The following HIVEP1 variants were observed in gnomAD, a reference collection of about 807,000 sequenced individuals.
HIVEP1 encodes the protein HIVEP zinc finger 1, also known as zinc finger protein 40.
Under a neutral mutation model 180.0 loss-of-function variants are expected in HIVEP1, and 36 were observed. The observed-to-expected ratio is 0.20, with a 90% CI of 0.15 to 0.26. HIVEP1 has a LOEUF of 0.26. HIVEP1 is among the 10% of genes least tolerant of loss of function. The pLI, the probability that HIVEP1 is intolerant of heterozygous loss-of-function variation, is 1.00. For synonymous variants in HIVEP1, 1,239 were observed against 1,239.0 expected, an observed-to-expected ratio of 1.00 and a Z score of 0.00; for missense variants, 3,143 against 3,268.7, an observed-to-expected ratio of 0.96 and a Z score of 0.94.
chr6:12,031,031 G>T (rs376013662), intron 2 of HIVEP1, among the ~76,000 whole-genome samples: 326 of 151,878 alleles, frequency 2.1e-3, no homozygotes, highest in African/African-American at 7.5e-3. Context: ...TCGTTTGTTT[G>T]TTTTTTTTGT....
intron 1 of HIVEP1, among the ~76,000 whole-genome samples, chr6:12,013,289 T>C (rs1767509983): frequency 1.3e-5 from 2 of 152,200 alleles, no homozygotes; most frequent in African/African-American, 4.8e-5. Flanking sequence ...CCCTCCACAT[T>C]CATTCATGTT....
At chr6:12,188,452 T>A in the HIVEP1 span, among the ~76,000 whole-genome samples, 1 of 151,820 alleles carries the variant, frequency 6.6e-6, no homozygotes, top group South Asian at 2.1e-4. Flanking sequence ...AAAAGAGAAA[T>A]GAAAAGTAGG....
chr6:12,045,148 C>T (rs984730311), intron 2 of HIVEP1, among the ~76,000 whole-genome samples: 6 of 152,132 alleles, frequency 3.9e-5, no homozygotes, highest in Admixed American at 1.3e-4. Context: ...TCCTAACCCT[C>T]GCCATCTACT....
rs374683737 is a variant in HIVEP1, at chr6:12,124,330, T to C, written c.4535T>C (p.Ile1512Thr). 21 of 1,613,940 alleles carry C rather than the reference T, an allele frequency of 1.3e-5. No homozygotes were observed. Among genetic ancestry groups the C allele is most frequent in the African/African-American group, 6.7e-5 (5 of 74,914 alleles). Residue 1512 changes from isoleucine to threonine, a missense_variant, in exon 4 of 9, where the codon ATC (isoleucine) becomes ACC (threonine). Transcript: ENST00000379388. Reference protein sequence around the residue: ...NVFPVQQLCDINLLNQIHAPP... With the variant: ...NVFPVQQLCDTNLLNQIHAPP... ...TTTCCTGTTCAACAGCTCTGTGATA[T>C]CAATTTGTTAAATCAAATCCATGCA...
At chr6:12,110,135 G>A (rs1170993096) in intron 3 of HIVEP1, among the ~76,000 whole-genome samples, 2 of 152,224 alleles carry the variant, frequency 1.3e-5, no homozygotes, top group Non-Finnish European at 2.9e-5. Context: ...AAACAGATGT[G>A]CTGTCATCCA....
rs765982328 is a variant in HIVEP1 at position 12,125,311 on chromosome 6, C to T, written c.5516C>T (p.Ser1839Leu). ...ACAAATGTTTTACCAGCTGATAATT[C>T]ATCAACAGGATGCTCTAAATTTGTC... ...NLTNVLPADN[S>L]STGCSKFVVI... The change falls in exon 4 of 9, where the codon TCA (serine) becomes TTA (leucine). Residue 1839 changes from serine to leucine, a missense_variant. Ser to Leu is a moderately radical substitution (Grantham distance 145). Coordinates refer to ENST00000379388, the MANE Select transcript of HIVEP1 (RefSeq NM_002114.4). 1 of 1,613,794 alleles carries T rather than the reference C, an allele frequency of 6.2e-7. No individual in the cohort carries two copies. Among genetic ancestry groups the T allele is most frequent in the African/African-American group, 1.3e-5 (1 of 75,002 alleles).
At chr6:12,134,638 T>C (rs1758607742) in intron 6 of HIVEP1, among the ~76,000 whole-genome samples, 1 of 152,246 alleles carries the variant, frequency 6.6e-6, no homozygotes, top group Non-Finnish European at 1.5e-5. Flanking sequence ...TGTTTTTGTT[T>C]CTCAAAAAAG....
chr6:12,081,064 C>T (rs1017143194), intron 2 of HIVEP1, among the ~76,000 whole-genome samples: 6 of 152,240 alleles, frequency 3.9e-5, no homozygotes, highest in African/African-American at 9.6e-5. Flanking sequence ...CCTTTCTAGC[C>T]TCTATCCATC....
chr6:12,163,401 C>T lies in HIVEP1; in HGVS notation c.7097C>T (p.Thr2366Ile), dbSNP rs1430713586. ...CCTCAAGAACAGAAGCAGCAAATAACTCTACAGCCGACTCCAGGCTTGCCT... is the reference window on the plus strand; with the variant it reads ...CCTCAAGAACAGAAGCAGCAAATAATTCTACAGCCGACTCCAGGCTTGCCT... Reference protein sequence around the residue: ...PDPQEQKQQITLQPTPGLPSP... With the variant: ...PDPQEQKQQIILQPTPGLPSP... The change falls in exon 9 of 9, where the codon ACT becomes ATT. Residue 2366 changes from threonine (T) to isoleucine (I), a missense_variant. Physicochemically the swap from Thr to Ile is moderately conservative, Grantham distance 89. Coordinates refer to ENST00000379388, the MANE Select transcript of HIVEP1 (RefSeq NM_002114.4). 1.2e-6 allele frequency: 2 copies of T among 1,614,182 alleles called. No homozygotes were observed. The highest frequency in any genetic ancestry group is 1.7e-6 in the Non-Finnish European group (2 of 1,180,016).
downstream of HIVEP1, among the ~76,000 whole-genome samples, chr6:12,165,302 T>C (rs1368191242): frequency 6.6e-6 from 1 of 152,164 alleles, no homozygotes; most frequent in African/African-American, 2.4e-5. Flanking sequence ...TAAATGAGGG[T>C]ATGGAAATTT....
At chr6:12,104,932 A>G (rs1774339084) in intron 3 of HIVEP1, among the ~76,000 whole-genome samples, 1 of 152,162 alleles carries the variant, frequency 6.6e-6, no homozygotes, top group Non-Finnish European at 1.5e-5. Flanking sequence ...TCATTCCAAT[A>G]TATTGGACCC....
At chr6:12,090,307 T>G (rs1773385522) in intron 3 of HIVEP1, among the ~76,000 whole-genome samples, 1 of 152,120 alleles carries the variant, frequency 6.6e-6, no homozygotes, top group African/African-American at 2.4e-5. Context: ...TTTGACAGAG[T>G]AATTTAGCTA....
chr6:12,141,823 A>G (rs1421992424), intron 7 of HIVEP1, among the ~76,000 whole-genome samples: 3 of 152,092 alleles, frequency 2.0e-5, no homozygotes, highest in African/African-American at 2.4e-5. Context: ...CAATTCAACA[A>G]GAAGAGCTAA....
At chr6:12,132,584 C>T (rs1013845407) in intron 6 of HIVEP1, among the ~76,000 whole-genome samples, 22 of 152,064 alleles carry the variant, frequency 1.4e-4, no homozygotes, top group African/African-American at 4.8e-4. Flanking sequence ...GAAATTAACT[C>T]GAAGATTTTA....
intron 3 of HIVEP1, among the ~76,000 whole-genome samples, chr6:12,098,843 G>A (rs1420733631): frequency 6.6e-6 from 1 of 152,190 alleles, no homozygotes; most frequent in Non-Finnish European, 1.5e-5. Context: ...TTCTTTTATT[G>A]CTTCACTGTG....
intron 3 of HIVEP1, among the ~76,000 whole-genome samples, chr6:12,114,492 G>C (rs1775099371): frequency 6.6e-6 from 1 of 151,656 alleles, no homozygotes; most frequent in Non-Finnish European, 1.5e-5. Flanking sequence ...TCCTTCTCAT[G>C]TCAGACCTCC....
Position 12,093,532 on chromosome 6 carries a change from T to G in HIVEP1, c.94+4295T>G, listed in dbSNP as rs769798073. ...TTTCAGATTAAAAACCCATCTGGAG[T>G]TTGTTTTTTTAAAAAAATATACCTA... On this transcript the variant is annotated intron_variant, in intron 3 of 8. Coordinates refer to ENST00000379388, the MANE Select transcript of HIVEP1 (RefSeq NM_002114.4). Among the ~76,000 whole-genome samples the G allele has an allele frequency of 1.3e-3, 199 of 151,706 alleles. 1 individual carries two copies. Among genetic ancestry groups the G allele is most frequent in the Non-Finnish European group, 2.7e-4 (18 of 67,820 alleles).
Position 12,072,621 on chromosome 6 carries a change from A to G in HIVEP1, c.41-16563A>G, listed in dbSNP as rs542390036. 2.6e-4 allele frequency among the ~76,000 whole-genome samples: 39 copies of G among 152,266 alleles called. No homozygotes were observed. The South Asian group carries it at 6.0e-3, about 23-fold the overall frequency. On this transcript the variant is annotated intron_variant, in intron 2 of 8. Transcript: ENST00000379388. ...TTGCATCTGTGTTAGATTACATGAT[A>G]TGATTCCACAGTTTGTTCATTTTTT... is the stretch of plus-strand genomic sequence containing the variant.
chr6:12,025,700 T>C (rs995359036), intron 2 of HIVEP1, among the ~76,000 whole-genome samples: 10 of 152,172 alleles, frequency 6.6e-5, no homozygotes, highest in Admixed American at 2.6e-4. Context: ...AGCATGCTAT[T>C]TTAGACGTAT....
Sources: allele counts gnomAD v4.1 joint callset (sites outside exome capture counted in the v4.1 genomes callset), GRCh38; gene constraint gnomAD v4.1.1; transcripts MANE v1.5; gene names NCBI Gene and HGNC (gene_info 2026-07-23, HGNC 2026-07-21).